Variants in EYS observed in about 807,000 individuals in gnomAD.
EYS encodes EGF-like photoreceptor maintenance factor.
EYS carries 250 observed loss-of-function variants against 282.1 expected under a neutral mutation model. That is an observed-to-expected ratio of 0.89 (90% CI 0.80 to 0.98). The LOEUF is 0.98. Ranked by LOEUF, EYS falls within the 50% of genes least tolerant of loss-of-function variation. The pLI, the probability that EYS is intolerant of heterozygous loss-of-function variation, is 0.00. For synonymous variants in EYS, 1,355 were observed against 1,282.9 expected (o/e 1.06, Z -1.20); for missense variants, 4,016 against 3,709.0 (o/e 1.08, Z -2.15).
intron 34 of EYS, among the ~76,000 whole-genome samples, chr6:63,993,166 G>A (rs1767681165): frequency 6.6e-6 from 1 of 151,640 alleles, no homozygotes; most frequent in Non-Finnish European, 1.5e-5. Context: ...CAGCAAATTA[G>A]GATTAGGAGG....
chr6:64,213,068 C>T (rs1242541271), intron 31 of EYS, among the ~76,000 whole-genome samples: 1 of 151,974 alleles, frequency 6.6e-6, no homozygotes, highest in African/African-American at 2.4e-5. Context: ...AGGGGAAAAA[C>T]ACACACTGGG....
intron 5 of EYS, among the ~76,000 whole-genome samples, chr6:65,451,818 T>G (rs151217752): frequency 8.5e-4 from 129 of 152,098 alleles, no homozygotes; most frequent in African/African-American, 3.1e-3. Flanking sequence ...TTCCAACATT[T>G]TATCTTTATA....
intron 7 of EYS, among the ~76,000 whole-genome samples, chr6:65,390,961 A>T: frequency 6.6e-6 from 1 of 152,100 alleles, no homozygotes; most frequent in Non-Finnish European, 1.5e-5. Flanking sequence ...TGAGATACAG[A>T]GGGCACAGTG....
chr6:64,306,622 G>A (rs965297679), intron 30 of EYS, among the ~76,000 whole-genome samples: 2 of 152,072 alleles, frequency 1.3e-5, no homozygotes, highest in East Asian at 1.9e-4. Flanking sequence ...GAAAAAGAAT[G>A]TATTTTAGCA....
At chr6:65,344,415 G>A (rs2150320257) in intron 9 of EYS, among the ~76,000 whole-genome samples, 1 of 151,550 alleles carries the variant, frequency 6.6e-6, no homozygotes, top group South Asian at 2.1e-4. Context: ...CAGCTCCCAG[G>A]CCAATTCATT....
chr6:64,641,419 C>T (rs1010034340), intron 22 of EYS, among the ~76,000 whole-genome samples: 35 of 152,116 alleles, frequency 2.3e-4, no homozygotes, highest in Admixed American at 2.2e-3. Flanking sequence ...CACAGCCAAA[C>T]CATATCATGC....
At chr6:65,576,572 T>C (rs893654014) in intron 2 of EYS, among the ~76,000 whole-genome samples, 1 of 151,884 alleles carries the variant, frequency 6.6e-6, no homozygotes, top group Non-Finnish European at 1.5e-5. Flanking sequence ...TTGGATGTCC[T>C]AACCAGAGAA....
chr6:65,211,379 A>G (rs1372435351), intron 12 of EYS, among the ~76,000 whole-genome samples: 1 of 152,110 alleles, frequency 6.6e-6, no homozygotes, highest in African/African-American at 2.4e-5. Flanking sequence ...AAAATATAGA[A>G]GACTAGCTTT....
At chr6:64,323,541 A>G (rs140838430) in intron 29 of EYS, among the ~76,000 whole-genome samples, 2 of 152,208 alleles carry the variant, frequency 1.3e-5, no homozygotes, top group Non-Finnish European at 2.9e-5. Flanking sequence ...GAGTCATCCA[A>G]TAAATTTTCT....
intron 12 of EYS, among the ~76,000 whole-genome samples, chr6:65,145,084 A>AAC (rs540018527): frequency 6.6e-6 from 1 of 151,636 alleles, no homozygotes; most frequent in Non-Finnish European, 1.5e-5. Flanking sequence ...CACCTTTTGA[A>AAC]ACACACACAC....
Position 64,591,248 on chromosome 6 carries a change from T to A in EYS, c.4619A>T (p.Asn1540Ile). 1 of 1,551,448 alleles carries A rather than the reference T, an allele frequency of 6.4e-7. No individual in the cohort carries two copies. Among genetic ancestry groups the A allele is most frequent in the Middle Eastern group, 1.7e-4 (1 of 5,990 alleles). The change falls in exon 26 of 43, where the codon AAC (asparagine) becomes ATC (isoleucine). Residue 1540 changes from asparagine (N) to isoleucine (I), a missense_variant. Coordinates refer to ENST00000503581, the MANE Select transcript of EYS (RefSeq NM_001142800.2). ...AGAATCAGCAGCCTGTGATTTGATG[T>A]TTGTGAGTCTCTGGTTGCTTGAAGC... ...TEASSNQRLT[N>I]IKSQAADSLR... is the part of the protein sequence containing the mutation.
intron 31 of EYS, among the ~76,000 whole-genome samples, chr6:64,211,976 C>T (rs1046054101): frequency 6.6e-6 from 1 of 151,646 alleles, no homozygotes; most frequent in Non-Finnish European, 1.5e-5. Context: ...ATTAGCCGGG[C>T]GTGGTGGCAT....
intron 12 of EYS, among the ~76,000 whole-genome samples, chr6:65,267,527 T>G (rs1326846082): frequency 3.9e-5 from 6 of 152,040 alleles, no homozygotes. Flanking sequence ...TGATGAATCA[T>G]AATTTATCGG....
At chr6:64,741,555 C>T (rs1384907901) in intron 22 of EYS, among the ~76,000 whole-genome samples, 1 of 152,144 alleles carries the variant, frequency 6.6e-6, no homozygotes, top group Middle Eastern at 3.2e-3. Context: ...CTGTGAATGT[C>T]CTAGGTGGCA....
chr6:64,779,844 T>C (rs1410486795), intron 22 of EYS, among the ~76,000 whole-genome samples: 1 of 152,286 alleles, frequency 6.6e-6, no homozygotes, highest in African/African-American at 2.4e-5. Flanking sequence ...TGCTGTTTGA[T>C]AGATTAGTGA....
chr6:65,685,474 G>A (rs566452036), intron 1 of EYS, among the ~76,000 whole-genome samples: 1 of 152,088 alleles, frequency 6.6e-6, no homozygotes, highest in Non-Finnish European at 1.5e-5. Flanking sequence ...GAAATTGATT[G>A]GAAAGCCAAT....
intron 12 of EYS, among the ~76,000 whole-genome samples, chr6:65,250,568 T>G (rs1767294720): frequency 6.6e-6 from 1 of 151,938 alleles, no homozygotes; most frequent in Non-Finnish European, 1.5e-5. Context: ...CACCACTAAA[T>G]TAAAGCTAAA....
intron 5 of EYS, among the ~76,000 whole-genome samples, chr6:65,465,431 T>C (rs1764966864): frequency 6.6e-6 from 1 of 152,008 alleles, no homozygotes; most frequent in African/African-American, 2.4e-5. Flanking sequence ...GAGCCACGAT[T>C]GTGCCGCTGT....
At chr6:65,503,381 G>C (rs537423330) in intron 2 of EYS, among the ~76,000 whole-genome samples, 45 of 151,608 alleles carry the variant, frequency 3.0e-4, no homozygotes, top group African/African-American at 9.9e-4. Flanking sequence ...TCAGATATGT[G>C]TTTTGCCAAT....
Sources: gnomAD v4.1 joint callset for allele counts (sites outside exome capture counted in the v4.1 genomes callset) on GRCh38, gnomAD v4.1.1 for gene constraint, MANE v1.5 for transcripts, NCBI Gene and HGNC (gene_info 2026-07-23, HGNC 2026-07-21) for gene names.